VPS53: variants seen among roughly 807,000 people sequenced by gnomAD.
VPS53 encodes the protein vacuolar protein sorting-associated protein 53 homolog.
In VPS53, 70 loss-of-function variants were observed where a neutral mutation model predicts 107.0. That is an observed-to-expected ratio of 0.65 (90% confidence interval 0.54 to 0.80). The LOEUF is 0.80. Ranked by LOEUF, VPS53 falls within the 30% of genes least tolerant of loss-of-function variation. The pLI is 0.00. For synonymous variants in VPS53, 409 were observed against 393.3 expected, an observed-to-expected ratio of 1.04 and a Z score of -0.47; for missense variants, 917 against 1,049.4, an observed-to-expected ratio of 0.87 and a Z score of 1.74.
At chr17:649,758 T>TCTTACAC (rs1970864066) in intron 7 of VPS53, among the ~76,000 whole-genome samples, 1 of 152,188 alleles carries the variant, frequency 6.6e-6, no homozygotes, top group African/African-American at 2.4e-5. Flanking sequence ...GCACTGAAGA[T>TCTTACAC]TGTACACTGT....
At chr17:540,725 A>C (rs899342088) in intron 17 of VPS53, 32 of 152,182 alleles carry the variant, frequency 2.1e-4, no homozygotes, top group African/African-American at 7.2e-4. Flanking sequence ...TGGTACTACT[A>C]TCTAAATGAG....
intron 12 of VPS53, among the ~76,000 whole-genome samples, chr17:598,375 G>A (rs1207963916): frequency 6.6e-6 from 1 of 151,916 alleles, no homozygotes. Context: ...CCTCTGCCCG[G>A]CCACCACCCC....
At chr17:587,615 A>C (rs1967386434) in intron 12 of VPS53, among the ~76,000 whole-genome samples, 2 of 152,168 alleles carry the variant, frequency 1.3e-5, no homozygotes, top group Admixed American at 1.3e-4. Flanking sequence ...ATTTTAAAAC[A>C]ATATTTGCCA....
chr17:626,650 C>G (rs1200867028), intron 10 of VPS53, among the ~76,000 whole-genome samples: 1 of 152,174 alleles, frequency 6.6e-6, no homozygotes, highest in African/African-American at 2.4e-5. Context: ...GCACTCCAGC[C>G]TGGGTGACAG....
At chr17:690,350 A>C (rs1055771164) in intron 4 of VPS53, among the ~76,000 whole-genome samples, 6 of 152,244 alleles carry the variant, frequency 3.9e-5, no homozygotes, top group African/African-American at 1.4e-4. Context: ...ACTGGCCCAC[A>C]GATGTGTTTT....
rs1433865625 is a variant in VPS53, at chr17:508,924, A to T, written c.*10204T>A. 6.6e-6 allele frequency: 1 copy of T among 152,218 alleles called. No individual in the cohort carries two copies. Among genetic ancestry groups the T allele is most frequent in the Non-Finnish European group, 1.5e-5 (1 of 68,044 alleles). The allele number at this position is 152,218 out of a possible 1,614,324, so 9.4% of individuals were successfully genotyped here. ...CTTCTGAAAAATATTTGAACTCATA[A>T]AATGTATTCATAAAATACTTTTATC... On this transcript the variant is annotated 3_prime_UTR_variant, in exon 22 of 22. Coordinates refer to ENST00000437048, the MANE Select transcript of VPS53 (RefSeq NM_001128159.3).
At position 697,486 on chromosome 17, in the gene VPS53, T is replaced by G. The variant is rs1475141474; in HGVS notation, c.219-2A>C. On this transcript the variant is annotated splice_acceptor_variant, in intron 3 of 21. Coordinates refer to ENST00000437048, the MANE Select transcript of VPS53 (RefSeq NM_001128159.3). LOFTEE classifies it high-confidence loss of function. Reference sequence around the variant, plus strand: ...GTTCGAATATTGTCATCCAGTCTCCTAGCAAAACAGTTCAAGGATACAGTC... The same window carrying G: ...GTTCGAATATTGTCATCCAGTCTCCGAGCAAAACAGTTCAAGGATACAGTC... 1 of 1,612,374 alleles carries G rather than the reference T, an allele frequency of 6.2e-7. No homozygotes were observed. The highest frequency in any genetic ancestry group is 8.5e-7 in the Non-Finnish European group (1 of 1,178,522).
At chr17:567,931 A>G (rs941488229) in intron 13 of VPS53, among the ~76,000 whole-genome samples, 11 of 151,912 alleles carry the variant, frequency 7.2e-5, no homozygotes, top group Non-Finnish European at 1.2e-4. Context: ...AAGGAAGGAA[A>G]TACCTCCTTC....
chr17:713,153 G>A (rs1162771970), intron 1 of VPS53, among the ~76,000 whole-genome samples: 1 of 151,348 alleles, frequency 6.6e-6, no homozygotes, highest in Non-Finnish European at 1.5e-5. Context: ...AGTGAGCTAC[G>A]ATTATGCCAC....
intron 7 of VPS53, among the ~76,000 whole-genome samples, chr17:647,262 GCCTTGTACAGCATATA>G (rs1970749196): frequency 6.6e-6 from 1 of 152,126 alleles, no homozygotes; most frequent in African/African-American, 2.4e-5. Flanking sequence ...ATCCTGCTAT[GCCTTGTACAGCATATA>G]CCAGTTTTGT....
At chr17:662,466 G>C (rs1413460855) in intron 4 of VPS53, among the ~76,000 whole-genome samples, 2 of 152,062 alleles carry the variant, frequency 1.3e-5, no homozygotes, top group Non-Finnish European at 2.9e-5. Flanking sequence ...AAGGCGGGCA[G>C]ATCACGAGGT....
Position 592,859 on chromosome 17 carries a change from T to C in VPS53, c.1219-6495A>G, listed in dbSNP as rs62056463. On this transcript the variant is annotated intron_variant, in intron 12 of 21. Coordinates refer to ENST00000437048, the MANE Select transcript of VPS53 (RefSeq NM_001128159.3). ...TCAACCTTGGTGAATCTGACAATTATGTGTCTTGGTGTTGCTCTTCTCGAG... is the reference window on the plus strand; with the variant it reads ...TCAACCTTGGTGAATCTGACAATTACGTGTCTTGGTGTTGCTCTTCTCGAG... Among the ~76,000 whole-genome samples the C allele has an allele frequency of 5.1e-3, 775 of 152,326 alleles. 5 individuals are homozygous for C. Among genetic ancestry groups the C allele is most frequent in the Non-Finnish European group, 6.8e-3 (463 of 68,028 alleles).
chr17:556,169 A>G (rs1348771534), intron 15 of VPS53, among the ~76,000 whole-genome samples: 2 of 152,146 alleles, frequency 1.3e-5, no homozygotes, highest in Non-Finnish European at 2.9e-5. Context: ...GTCCCAGTGT[A>G]GTCCCAGCCA....
At chr17:567,335 AC>A (rs559187471) in intron 13 of VPS53, among the ~76,000 whole-genome samples, 95 of 152,234 alleles carry the variant, frequency 6.2e-4, no homozygotes, top group African/African-American at 2.2e-3. Flanking sequence ...AGTTGGGGAA[AC>A]CTTCCCCTGC....
intron 13 of VPS53, among the ~76,000 whole-genome samples, chr17:565,140 ACCTG>A (rs1296978614): frequency 1.3e-5 from 2 of 152,024 alleles, no homozygotes; most frequent in Non-Finnish European, 2.9e-5. Context: ...GGGGGCTCAC[ACCTG>A]TAATCCCAGC....
At chr17:713,341 T>C (rs1973710898) in intron 1 of VPS53, among the ~76,000 whole-genome samples, 1 of 152,258 alleles carries the variant, frequency 6.6e-6, no homozygotes, top group East Asian at 1.9e-4. Flanking sequence ...TCAGGAGCAA[T>C]ACCCTGCAGT....
At chr17:549,807 T>C (rs2151835190) in intron 17 of VPS53, among the ~76,000 whole-genome samples, 1 of 152,264 alleles carries the variant, frequency 6.6e-6, no homozygotes, top group African/African-American at 2.4e-5. Flanking sequence ...TGTTCTCCTG[T>C]GAATGCTGAG....
chr17:520,313 G>A lies in VPS53; in HGVS notation c.2224-383C>T, dbSNP rs1391911948. Among the ~76,000 whole-genome samples the A allele has an allele frequency of 6.6e-6, 1 of 152,090 alleles. No homozygotes were observed. The highest frequency in any genetic ancestry group is 2.4e-5 in the African/African-American group (1 of 41,406). On this transcript the variant is annotated intron_variant, in intron 20 of 21. Coordinates refer to ENST00000437048, the MANE Select transcript of VPS53 (RefSeq NM_001128159.3). The surrounding 1 kb of genome is among the most constrained non-coding windows in gnomAD (Gnocchi z 4.4). ...GACTTTTAAACTATCAGGACCATCC[G>A]GGAAACCCTGCGTGAGAGGGTCTCC...
At chr17:631,736 G>A (rs1969970447) in intron 7 of VPS53, 108 bp from the exon 8 acceptor site, 2 of 962,318 alleles carry the variant, frequency 2.1e-6, no homozygotes, top group Non-Finnish European at 3.2e-6. Flanking sequence ...GGCCAGGAAG[G>A]GTACAGAGAC....
Sources: gnomAD v4.1 joint callset for allele counts (sites outside exome capture counted in the v4.1 genomes callset) on GRCh38, gnomAD v4.1.1 for gene constraint, Gnocchi (gnomAD v3.1) non-coding constraint, MANE v1.5 for transcripts, NCBI Gene and HGNC (gene_info 2026-07-23, HGNC 2026-07-21) for gene names.